The following AIG1 variants were observed in gnomAD, a reference collection of about 807,000 sequenced individuals.
AIG1 encodes androgen induced 1, also known as androgen-induced gene 1 protein.
In AIG1, 23 loss-of-function variants were observed where a neutral mutation model predicts 31.4. The ratio of observed to expected loss-of-function variants is 0.73; its 90% confidence interval spans 0.53 to 1.04. The LOEUF (loss-of-function observed/expected upper bound fraction) is 1.04, where lower values mean the gene tolerates loss of function less well. AIG1 is among the 50% of genes least tolerant of loss of function. AIG1 has a pLI of 0.00. For missense variants in AIG1, 274 were observed against 295.0 expected (o/e 0.93, Z 0.52); for synonymous variants, 100 against 110.5 (o/e 0.90, Z 0.60).
chr6:143,147,382 A>G (rs1250493980), intron 2 of AIG1, among the ~76,000 whole-genome samples: 2 of 152,192 alleles, frequency 1.3e-5, no homozygotes, highest in Non-Finnish European at 2.9e-5. Flanking sequence ...TACAGGCATG[A>G]TGGGAGAGGA....
chr6:143,149,495 C>T (rs903878869), intron 2 of AIG1, among the ~76,000 whole-genome samples: 22 of 138,394 alleles, frequency 1.6e-4, no homozygotes, highest in African/African-American at 5.9e-4. Context: ...CCACTGCACT[C>T]GCACTCTAGG....
chr6:143,120,253 A>G (rs935044149), intron 1 of AIG1, among the ~76,000 whole-genome samples: 9 of 152,180 alleles, frequency 5.9e-5, no homozygotes, highest in African/African-American at 2.2e-4. Context: ...CTTTTTTAAA[A>G]TAACTGAGGC....
chr6:143,255,175 C>G (rs1462276730), intron 3 of AIG1, among the ~76,000 whole-genome samples: 1 of 152,200 alleles, frequency 6.6e-6, no homozygotes, highest in Non-Finnish European at 1.5e-5. Context: ...TATGGAACAG[C>G]AGGGGCCTGC....
Position 143,299,693 on chromosome 6 carries a change from C to T in AIG1, c.515+15468C>T, listed in dbSNP as rs1798695230. 6.6e-6 allele frequency: 1 copy of T among 152,212 alleles called. No individual in the cohort carries two copies. The highest frequency in any genetic ancestry group is 1.5e-5 in the Non-Finnish European group (1 of 68,044). The allele number at this position is 152,212 out of a possible 1,614,324, so 9.4% of individuals were successfully genotyped here. ...GCACAGTCATGTAATTTATGACACA[C>T]AAAACTCTTCAACAGTAGGCTCTGC... On this transcript the variant is annotated intron_variant, in intron 4 of 5. Transcript: ENST00000357847. This position sits in a 1 kb window ranked among gnomAD's most constrained non-coding sequence, Gnocchi z 4.1.
chr6:143,322,577 A>C lies in AIG1; in HGVS notation c.516-10705A>C, dbSNP rs117995236. Among the ~76,000 whole-genome samples, 55 of 152,364 alleles carry C rather than the reference A, an allele frequency of 3.6e-4. No homozygotes were observed. The East Asian group carries it at 9.8e-3, about 27-fold the overall frequency. On this transcript the variant is annotated intron_variant, in intron 4 of 5. Coordinates refer to ENST00000357847, the MANE Select transcript of AIG1 (RefSeq NM_016108.4). ...TCATGAATGTTATTCAGGGGAATTC[A>C]AATTGAATTCTCTCCAGGGTAACAT...
chr6:143,169,446 G>A (rs991625357), intron 3 of AIG1, among the ~76,000 whole-genome samples: 1 of 152,066 alleles, frequency 6.6e-6, no homozygotes, highest in Admixed American at 6.6e-5. Context: ...TCTCTATGTT[G>A]AGAACATTCA....
In AIG1 at chr6:143,333,151, A is replaced by G; in HGVS notation, c.516-131A>G. 1 of 875,172 alleles carries G rather than the reference A, an allele frequency of 1.1e-6. No individual in the cohort carries two copies. 54.2% of individuals were successfully genotyped at this position (875,172 alleles called of 1,614,324 possible). On this transcript the variant is annotated intron_variant, in intron 4 of 5. Coordinates refer to ENST00000357847, the MANE Select transcript of AIG1 (RefSeq NM_016108.4). The surrounding 1 kb of genome is among the most constrained non-coding windows in gnomAD (Gnocchi z 4.6). ...AAGTTTCCAGTAGCTCCTGAGTATC[A>G]GAAGCGAACTTGAGACTGGCAAATG...
At chr6:143,234,496 A>G (rs769273910) in intron 3 of AIG1, among the ~76,000 whole-genome samples, 1 of 152,234 alleles carries the variant, frequency 6.6e-6, no homozygotes, top group Non-Finnish European at 1.5e-5. Context: ...GATGTCTTTC[A>G]GGAGCTTTGC....
At position 143,297,373 on chromosome 6, in the gene AIG1, C is replaced by T. The variant is rs1262156054; in HGVS notation, c.515+13148C>T. ...ATATATATTCCACCTCAACTCTCCC[C>T]ACCAAAACTGTTTTCATTTTTCCTT... On this transcript the variant is annotated intron_variant, in intron 4 of 5. Transcript: ENST00000357847. This position sits in a 1 kb window ranked among gnomAD's most constrained non-coding sequence, Gnocchi z 5.1. Among the ~76,000 whole-genome samples, 2 of 152,240 alleles carry T rather than the reference C, an allele frequency of 1.3e-5. No individual in the cohort carries two copies. The highest frequency in any genetic ancestry group is 4.8e-5 in the African/African-American group (2 of 41,458).
Position 143,084,411 on chromosome 6 carries a change from G to C in AIG1, c.141+23345G>C, listed in dbSNP as rs62429606. On this transcript the variant is annotated intron_variant, in intron 1 of 5. Coordinates refer to ENST00000357847, the MANE Select transcript of AIG1 (RefSeq NM_016108.4). ...CCCTATTAGGCATTTGATTTGCCCAGCCTTTCCCTGTTCCAGAGCCTCCAA... is the reference window on the plus strand; with the variant it reads ...CCCTATTAGGCATTTGATTTGCCCACCCTTTCCCTGTTCCAGAGCCTCCAA... Among the ~76,000 whole-genome samples the C allele has an allele frequency of 1.1e-3, 165 of 152,312 alleles. 1 individual carries two copies. The highest frequency in any genetic ancestry group is 3.8e-3 in the African/African-American group (158 of 41,558).
At chr6:143,209,820 C>T (rs1314202708) in intron 3 of AIG1, among the ~76,000 whole-genome samples, 1 of 152,196 alleles carries the variant, frequency 6.6e-6, no homozygotes, top group Non-Finnish European at 1.5e-5. Flanking sequence ...GTAAGAATGT[C>T]AGAAATTGCC....
At chr6:143,099,578 C>T (rs1385525525) in intron 1 of AIG1, 1 of 152,094 alleles carries the variant, frequency 6.6e-6, no homozygotes, top group African/African-American at 2.4e-5. Context: ...GTGTTTATAT[C>T]CTCCTCCTTT....
rs1330626847 is a variant in AIG1, at chr6:143,264,465, G to C, written c.400-19645G>C. Among the ~76,000 whole-genome samples the C allele has an allele frequency of 2.0e-5, 3 of 152,194 alleles. No homozygotes were observed. In the South Asian group the frequency reaches 6.2e-4, roughly 32 times the overall value. ...AAAAACTGATTGGCATCTGGTGATG[G>C]GCAGGGCACGGGTGCCTGGCGCTTG... On this transcript the variant is annotated intron_variant, in intron 3 of 5. Coordinates refer to ENST00000357847, the MANE Select transcript of AIG1 (RefSeq NM_016108.4).
At chr6:143,119,788 A>G (rs1171387013) in intron 1 of AIG1, among the ~76,000 whole-genome samples, 2 of 152,242 alleles carry the variant, frequency 1.3e-5, no homozygotes, top group African/African-American at 4.8e-5. Flanking sequence ...AAATAATGCC[A>G]CTAAAAAGAA....
chr6:143,101,699 G>C (rs1780295420), intron 1 of AIG1, among the ~76,000 whole-genome samples: 1 of 152,044 alleles, frequency 6.6e-6, no homozygotes, highest in Non-Finnish European at 1.5e-5. Flanking sequence ...TAGAAATTGG[G>C]TTCAGTATAT....
Position 143,240,733 on chromosome 6 carries a change from A to AT in AIG1, c.400-43371dup, listed in dbSNP as rs554245362. 1.6e-3 allele frequency among the ~76,000 whole-genome samples: 241 copies of AT among 152,330 alleles called. 1 individual carries two copies. The highest frequency in any genetic ancestry group is 5.5e-3 in the African/African-American group (229 of 41,582). ...TAATAAAAAATTACTAGAAAAATAA[A>AT]TTTTTTAAAAAACCAGACAATATTC... On this transcript the variant is annotated intron_variant, in intron 3 of 5. Coordinates refer to ENST00000357847, the MANE Select transcript of AIG1 (RefSeq NM_016108.4).
chr6:143,251,602 A>G (rs1795018253), intron 3 of AIG1, among the ~76,000 whole-genome samples: 1 of 152,110 alleles, frequency 6.6e-6, no homozygotes, highest in African/African-American at 2.4e-5. Context: ...GCTGCCTATT[A>G]TGGGTGCATA....
chr6:143,198,758 C>T (rs1440269952), intron 3 of AIG1, among the ~76,000 whole-genome samples: 7 of 152,144 alleles, frequency 4.6e-5, no homozygotes, highest in Admixed American at 2.6e-4. Context: ...CATTTCTTTC[C>T]AGTTGAGGGC....
intron 3 of AIG1, among the ~76,000 whole-genome samples, chr6:143,205,774 A>G (rs560284407): frequency 1.3e-5 from 2 of 152,350 alleles, no homozygotes; most frequent in Admixed American, 6.5e-5. Flanking sequence ...ACAACACTCT[A>G]GGGCATTCAT....
Sources: gnomAD v4.1 joint callset for allele counts (sites outside exome capture counted in the v4.1 genomes callset) on GRCh38, gnomAD v4.1.1 for gene constraint, Gnocchi (gnomAD v3.1) non-coding constraint, MANE v1.5 for transcripts, NCBI Gene and HGNC (gene_info 2026-07-23, HGNC 2026-07-21) for gene names.